DNAJC1: variants seen among roughly 807,000 people sequenced by gnomAD.
DNAJC1 encodes the protein dnaJ homolog subfamily C member 1.
In DNAJC1, 58 loss-of-function variants were observed where a neutral mutation model predicts 76.6. That is an observed-to-expected ratio of 0.76 (90% CI 0.61 to 0.94). DNAJC1 has a LOEUF of 0.94. DNAJC1 is among the 40% of genes least tolerant of loss of function. The pLI is 0.00. For missense variants in DNAJC1, 689 were observed against 677.3 expected (o/e 1.02, Z -0.19); for synonymous variants, 258 against 267.9 (o/e 0.96, Z 0.36).
intron 8 of DNAJC1, among the ~76,000 whole-genome samples, chr10:21,877,821 T>A (rs1056423390): frequency 1.3e-5 from 2 of 152,200 alleles, no homozygotes; most frequent in Non-Finnish European, 2.9e-5. Flanking sequence ...AAAACCTAAG[T>A]ATAACTTTTG....
chr10:21,849,798 G>C (rs901811545), intron 8 of DNAJC1, among the ~76,000 whole-genome samples: 1 of 152,042 alleles, frequency 6.6e-6, no homozygotes, highest in Admixed American at 6.6e-5. Context: ...AGGAATGCAA[G>C]GTTGGTTCAA....
intron 9 of DNAJC1, among the ~76,000 whole-genome samples, chr10:21,768,313 G>A (rs1230503614): frequency 6.6e-6 from 1 of 152,006 alleles, no homozygotes; most frequent in Non-Finnish European, 1.5e-5. Flanking sequence ...ACACTTCATG[G>A]CTTTAATGAA....
At chr10:21,826,530 T>A (rs918488959) in intron 8 of DNAJC1, among the ~76,000 whole-genome samples, 3 of 152,212 alleles carry the variant, frequency 2.0e-5, no homozygotes, top group Non-Finnish European at 4.4e-5. Flanking sequence ...TTATCTATCT[T>A]TCTTTTGTTG....
intron 8 of DNAJC1, among the ~76,000 whole-genome samples, chr10:21,825,033 T>C (rs1328530372): frequency 6.6e-6 from 1 of 152,114 alleles, no homozygotes; most frequent in African/African-American, 2.4e-5. Context: ...TGCCTTGGCC[T>C]CCCAAAATGC....
At chr10:21,893,084 T>A (rs543848007) in intron 7 of DNAJC1, among the ~76,000 whole-genome samples, 1 of 152,284 alleles carries the variant, frequency 6.6e-6, no homozygotes, top group South Asian at 2.1e-4. Context: ...TCTTTTCAAA[T>A]GTCCATGGAA....
At chr10:21,764,155 A>G (rs1834270427) in intron 10 of DNAJC1, among the ~76,000 whole-genome samples, 1 of 152,232 alleles carries the variant, frequency 6.6e-6, no homozygotes, top group Non-Finnish European at 1.5e-5. Flanking sequence ...GAAACTTGTT[A>G]AATAAACTAT....
At chr10:21,781,450 G>A (rs1339529403) in intron 9 of DNAJC1, among the ~76,000 whole-genome samples, 1 of 152,140 alleles carries the variant, frequency 6.6e-6, no homozygotes, top group Non-Finnish European at 1.5e-5. Context: ...CGCCGGGCGC[G>A]GTGGCTCACG....
chr10:21,892,356 AACAC>A (rs35532996), intron 7 of DNAJC1, among the ~76,000 whole-genome samples: 1,817 of 147,700 alleles, frequency 0.012, 35 homozygotes, highest in African/African-American at 0.042. Context: ...TTGTCTATTT[AACAC>A]ACACACACAC....
At chr10:21,808,537 T>C (rs929617639) in intron 8 of DNAJC1, among the ~76,000 whole-genome samples, 9 of 152,180 alleles carry the variant, frequency 5.9e-5, no homozygotes, top group Non-Finnish European at 1.5e-5. Context: ...TAATCTGAAA[T>C]CTGAGAGAAC....
intron 6 of DNAJC1, among the ~76,000 whole-genome samples, chr10:21,908,123 A>T (rs1451705921): frequency 3.6e-5 from 4 of 110,096 alleles, no homozygotes; most frequent in Admixed American, 1.4e-4. Context: ...TATATATATA[A>T]TATATAATAT....
At chr10:21,771,414 T>C (rs1834375666) in intron 9 of DNAJC1, among the ~76,000 whole-genome samples, 1 of 152,222 alleles carries the variant, frequency 6.6e-6, no homozygotes, top group Non-Finnish European at 1.5e-5. Flanking sequence ...GGGTTTTTAG[T>C]ATGGTCTTTT....
chr10:21,834,290 G>A (rs541538413), intron 8 of DNAJC1, among the ~76,000 whole-genome samples: 1 of 152,130 alleles, frequency 6.6e-6, no homozygotes, highest in Admixed American at 6.5e-5. Context: ...GAAAGAAAGA[G>A]GGGCTCCCCA....
At chr10:21,907,377 T>C (rs903415568) in intron 6 of DNAJC1, among the ~76,000 whole-genome samples, 4 of 151,998 alleles carry the variant, frequency 2.6e-5, no homozygotes, top group African/African-American at 9.7e-5. Flanking sequence ...CCAGGAAACA[T>C]TACTTCCTTA....
chr10:21,839,780 C>G (rs1277491852), intron 8 of DNAJC1, among the ~76,000 whole-genome samples: 2 of 152,072 alleles, frequency 1.3e-5, no homozygotes, highest in African/African-American at 4.8e-5. Flanking sequence ...ATACCAAAGC[C>G]TGGCAGAGAC....
chr10:21,880,302 AAT>A (rs1472085947), intron 8 of DNAJC1, among the ~76,000 whole-genome samples: 1 of 152,232 alleles, frequency 6.6e-6, no homozygotes, highest in Non-Finnish European at 1.5e-5. Context: ...ATCTCCTGTT[AAT>A]GTCAATATTT....
At chr10:21,938,100 CT>C (rs1406800215) in intron 1 of DNAJC1, among the ~76,000 whole-genome samples, 5 of 152,160 alleles carry the variant, frequency 3.3e-5, no homozygotes, top group Admixed American at 6.5e-5. Flanking sequence ...TTAGATATTT[CT>C]TTTTGGATTC....
intron 1 of DNAJC1, among the ~76,000 whole-genome samples, chr10:21,995,570 G>A (rs1838402665): frequency 6.6e-6 from 1 of 152,122 alleles, no homozygotes; most frequent in African/African-American, 2.4e-5. Context: ...TAGATTATTA[G>A]CTTTAATATT....
intron 9 of DNAJC1, among the ~76,000 whole-genome samples, chr10:21,788,609 G>A (rs184809218): frequency 3.3e-5 from 5 of 152,150 alleles, no homozygotes; most frequent in African/African-American, 9.6e-5. Context: ...AGCCATGTTC[G>A]GCCATTCTGG....
chr10:21,775,924 T>A (rs1834449826), intron 9 of DNAJC1, among the ~76,000 whole-genome samples: 1 of 152,120 alleles, frequency 6.6e-6, no homozygotes, highest in African/African-American at 2.4e-5. Flanking sequence ...TCACATGGAT[T>A]GTAACTGTGG....
Sources: allele counts gnomAD v4.1 joint callset (sites outside exome capture counted in the v4.1 genomes callset), GRCh38; gene constraint gnomAD v4.1.1; transcripts MANE v1.5; gene names NCBI Gene and HGNC (gene_info 2026-07-23, HGNC 2026-07-21).